Variants in HDAC9 observed in about 807,000 individuals in gnomAD.
HDAC9 encodes the protein histone deacetylase 9, also known as MEF-2 interacting transcription repressor (MITR) protein.
HDAC9 carries 41 observed loss-of-function variants against 139.4 expected under a neutral mutation model. The observed-to-expected ratio is 0.29, with a 90% CI of 0.23 to 0.38. The LOEUF is 0.38. Among genes scored for constraint, HDAC9 ranks in the 10% least tolerant of loss-of-function variants. The probability of loss-of-function intolerance (pLI) is 1.00; values close to 1 mark genes in which losing one functional copy is unlikely to be tolerated. For missense variants in HDAC9, 1,147 were observed against 1,297.0 expected, an observed-to-expected ratio of 0.88 and a Z score of 1.78; for synonymous variants, 517 against 476.2, an observed-to-expected ratio of 1.09 and a Z score of -1.12.
chr7:18,518,649 GC>G (rs1287501545), intron 2 of HDAC9, among the ~76,000 whole-genome samples: 1 of 152,114 alleles, frequency 6.6e-6, no homozygotes, highest in Non-Finnish European at 1.5e-5. Context: ...AGAAATTAAT[GC>G]AAAAGCTTGT....
chr7:18,164,365 T>C (rs988960313), intron 2 of HDAC9, among the ~76,000 whole-genome samples: 1 of 152,232 alleles, frequency 6.6e-6, no homozygotes, highest in Non-Finnish European at 1.5e-5. Context: ...TTCTGAGAAA[T>C]AACCTGATTG....
Position 18,496,329 on chromosome 7 carries a change from G to C in HDAC9, c.22+5G>C. The C allele has an allele frequency of 6.2e-7, 1 of 1,612,206 alleles. No individual in the cohort carries two copies. Among genetic ancestry groups the C allele is most frequent in the Non-Finnish European group, 8.5e-7 (1 of 1,178,792 alleles). ...TGCACAGTATGATCAGCTCAGGTAAGATCCTCTTTCATAACTGAGACGTTT... is the reference window on the plus strand; with the variant it reads ...TGCACAGTATGATCAGCTCAGGTAACATCCTCTTTCATAACTGAGACGTTT... On this transcript the variant is annotated splice_donor_5th_base_variant and intron_variant, in intron 2 of 25. Transcript: ENST00000686413.
chr7:18,747,669 T>A (rs1031396826), intron 13 of HDAC9, among the ~76,000 whole-genome samples: 1 of 152,180 alleles, frequency 6.6e-6, no homozygotes, highest in African/African-American at 2.4e-5. Flanking sequence ...GTCCTGAGGA[T>A]GAAAATGTGA....
intron 24 of HDAC9, among the ~76,000 whole-genome samples, chr7:18,962,600 T>C (rs934129583): frequency 3.2e-4 from 48 of 152,218 alleles, no homozygotes; most frequent in African/African-American, 1.1e-3. Context: ...AATAAAACTA[T>C]GCATGCTTCT....
intron 1 of HDAC9, among the ~76,000 whole-genome samples, chr7:18,300,968 A>C (rs1463686393): frequency 6.6e-6 from 1 of 152,086 alleles, no homozygotes; most frequent in Non-Finnish European, 1.5e-5. Flanking sequence ...ATGCTGAGAA[A>C]ACTCCTGTCA....
chr7:18,516,764 G>T, intron 2 of HDAC9, among the ~76,000 whole-genome samples: 1 of 151,644 alleles, frequency 6.6e-6, no homozygotes, highest in East Asian at 1.9e-4. Context: ...GGGAGGCTGA[G>T]GCAGGAGAAT....
intron 1 of HDAC9, 62 bp from the exon 2 acceptor site, chr7:18,496,200 A>C (rs768990591): frequency 2.6e-6 from 4 of 1,560,534 alleles, no homozygotes; most frequent in Non-Finnish European, 3.5e-6. Flanking sequence ...CATGTAGCTG[A>C]AGTAAGAGTG....
At chr7:18,286,036 A>G (rs927069447), upstream of HDAC9, among the ~76,000 whole-genome samples, 1 of 152,100 alleles carries the variant, frequency 6.6e-6, no homozygotes, top group South Asian at 2.1e-4. Context: ...AAACCTGTAA[A>G]CATTTGCTTT....
intron 1 of HDAC9, among the ~76,000 whole-genome samples, chr7:18,345,020 G>A (rs976706974): frequency 2.6e-5 from 4 of 151,832 alleles, no homozygotes; most frequent in African/African-American, 7.3e-5. Flanking sequence ...AAAAGCTCAC[G>A]GCCTCACATC....
intron 17 of HDAC9, among the ~76,000 whole-genome samples, chr7:18,826,648 C>CTTTT (rs547478526): frequency 1.2e-3 from 145 of 122,068 alleles, no homozygotes; most frequent in Middle Eastern, 4.7e-3. Flanking sequence ...GAATTCAAGT[C>CTTTT]TTTTTTTTTT....
intron 2 of HDAC9, among the ~76,000 whole-genome samples, chr7:18,166,052 T>A (rs1787991273): frequency 6.6e-6 from 1 of 152,236 alleles, no homozygotes; most frequent in South Asian, 2.1e-4. Context: ...TGAACGTTTT[T>A]AAATAAATTG....
intron 1 of HDAC9, among the ~76,000 whole-genome samples, chr7:18,302,789 C>T (rs1798627470): frequency 6.6e-6 from 1 of 152,018 alleles, no homozygotes; most frequent in African/African-American, 2.4e-5. Flanking sequence ...TGTTTGGGGC[C>T]TAGGGAGTGC....
At chr7:18,953,428 T>G (rs976707468) in intron 23 of HDAC9, among the ~76,000 whole-genome samples, 1 of 152,104 alleles carries the variant, frequency 6.6e-6, no homozygotes, top group Non-Finnish European at 1.5e-5. Flanking sequence ...TGTAAATTAT[T>G]TAAAGCTTCT....
At chr7:18,843,665 T>G (rs1796728054) in intron 21 of HDAC9, among the ~76,000 whole-genome samples, 2 of 152,140 alleles carry the variant, frequency 1.3e-5, no homozygotes, top group South Asian at 2.1e-4. Context: ...GAGTGAATTT[T>G]TTTTTTTGAA....
intron 16 of HDAC9, among the ~76,000 whole-genome samples, chr7:18,776,960 G>C (rs1790822205): frequency 1.3e-5 from 2 of 152,052 alleles, no homozygotes; most frequent in South Asian, 4.2e-4. Flanking sequence ...AGAGCTTCTG[G>C]TCTTCCTTCT....
At chr7:18,903,787 C>G (rs960804520) in intron 22 of HDAC9, among the ~76,000 whole-genome samples, 1 of 152,148 alleles carries the variant, frequency 6.6e-6, no homozygotes, top group Non-Finnish European at 1.5e-5. Context: ...TGTTAGTCAC[C>G]GTTAGTCGAG....
intron 1 of HDAC9, among the ~76,000 whole-genome samples, chr7:18,150,300 C>G (rs1304170894): frequency 6.6e-6 from 1 of 151,794 alleles, no homozygotes; most frequent in East Asian, 1.9e-4. Context: ...ATATAGGCCG[C>G]AATTGAGAAC....
At chr7:18,128,047 G>T (rs2128099332) in intron 1 of HDAC9, among the ~76,000 whole-genome samples, 1 of 152,146 alleles carries the variant, frequency 6.6e-6, no homozygotes, top group Middle Eastern at 3.4e-3. Flanking sequence ...AGAATACAGA[G>T]GGAAAAGTTA....
chr7:18,498,020 G>A (rs1797383402), intron 2 of HDAC9, among the ~76,000 whole-genome samples: 1 of 152,044 alleles, frequency 6.6e-6, no homozygotes, highest in African/African-American at 2.4e-5. Context: ...TTCAGACAGG[G>A]AAGTGCTTCA....
Sources: allele counts gnomAD v4.1 joint callset (sites outside exome capture counted in the v4.1 genomes callset), GRCh38; gene constraint gnomAD v4.1.1; transcripts MANE v1.5; gene names NCBI Gene and HGNC (gene_info 2026-07-23, HGNC 2026-07-21).